The following NEK11 variants were observed in gnomAD, a reference collection of about 807,000 sequenced individuals.
The protein encoded by NEK11 is serine/threonine-protein kinase Nek11.
NEK11 carries 72 observed loss-of-function variants against 80.7 expected under a neutral mutation model. The ratio of observed to expected loss-of-function variants is 0.89; its 90% CI spans 0.74 to 1.08. NEK11 has a LOEUF of 1.08. Ranked by LOEUF, NEK11 falls within the 50% of genes least tolerant of loss-of-function variation. The pLI is 0.00. For synonymous variants in NEK11, 251 were observed against 260.7 expected (o/e 0.96, Z 0.36); for missense variants, 764 against 763.6 (o/e 1.00, Z -0.01).
intron 14 of NEK11, among the ~76,000 whole-genome samples, chr3:131,221,412 C>A (rs908245074): frequency 1.3e-5 from 2 of 152,144 alleles, no homozygotes; most frequent in Non-Finnish European, 2.9e-5. Context: ...GAGGTATAGG[C>A]AAATTTGGAA....
chr3:131,263,565 T>C (rs2095977532), intron 16 of NEK11, among the ~76,000 whole-genome samples: 2 of 152,264 alleles, frequency 1.3e-5, no homozygotes, highest in Non-Finnish European at 2.9e-5. Context: ...TTTTGTTTGA[T>C]TTTCTGTCCT....
intron 14 of NEK11, among the ~76,000 whole-genome samples, chr3:131,196,981 G>A (rs2094042260): frequency 1.3e-5 from 2 of 151,894 alleles, no homozygotes; most frequent in South Asian, 2.1e-4. Flanking sequence ...CCCAATCATT[G>A]TCCCTCCCAC....
At chr3:131,297,532 T>G (rs1038316234) in intron 17 of NEK11, among the ~76,000 whole-genome samples, 2 of 152,252 alleles carry the variant, frequency 1.3e-5, no homozygotes, top group Admixed American at 1.3e-4. Context: ...CTTGTAAATT[T>G]GTTTGAGTTC....
At chr3:131,091,781 T>G (rs943608721) in intron 4 of NEK11, among the ~76,000 whole-genome samples, 2 of 152,184 alleles carry the variant, frequency 1.3e-5, no homozygotes, top group Non-Finnish European at 2.9e-5. Flanking sequence ...TTACCAAAGT[T>G]TATTTGAGCA....
chr3:131,200,313 G>C (rs960601819), intron 14 of NEK11, among the ~76,000 whole-genome samples: 9 of 152,192 alleles, frequency 5.9e-5, no homozygotes, highest in African/African-American at 2.2e-4. Context: ...GGACAAAAAT[G>C]TAAAAGTTTG....
intron 17 of NEK11, among the ~76,000 whole-genome samples, chr3:131,293,056 T>A (rs2096559821): frequency 6.6e-6 from 1 of 152,160 alleles, no homozygotes; most frequent in South Asian, 2.1e-4. Flanking sequence ...TATTTCTTCT[T>A]TCCCAATCTT....
At chr3:131,264,059 T>C (rs1344143642) in intron 16 of NEK11, among the ~76,000 whole-genome samples, 4 of 152,326 alleles carry the variant, frequency 2.6e-5, no homozygotes, top group Non-Finnish European at 5.9e-5. Flanking sequence ...TTGATGGGGT[T>C]GTTTGATTTT....
In NEK11 at chr3:131,054,790, A is replaced by G. The variant is rs200525091; in HGVS notation, c.170+24912A>G. Among the ~76,000 whole-genome samples, 680 of 136,786 alleles carry G rather than the reference A, an allele frequency of 5.0e-3. 1 individual carries two copies. The highest frequency in any genetic ancestry group is 0.035 in the East Asian group (170 of 4,898). The allele number at this position is 136,786 out of a possible 152,430, so 89.7% of individuals were successfully genotyped here. A position where few individuals can be genotyped will look rare whatever the true frequency, so the allele number is the denominator to read the frequency against. On this transcript the variant is annotated intron_variant, in intron 3 of 17. Transcript: ENST00000383366. ...TAAATAAATAAATAAATAAATAAAT[A>G]AATGAATGAATGTACCCGGTAGATA...
rs2090418051 is a variant in NEK11 at position 131,155,048 on chromosome 3, A to G, written c.889A>G (p.Arg297Gly). The G allele has an allele frequency of 6.2e-7, 1 of 1,603,778 alleles. No individual in the cohort carries two copies. Among genetic ancestry groups the G allele is most frequent in the South Asian group, 1.1e-5 (1 of 90,852 alleles). Reference sequence around the variant, plus strand: ...ATCTTTTTTTCAGAACCTAATGTGTAGATATTCAGAAATGACTCTGGAAGA... The same window carrying G: ...ATCTTTTTTTCAGAACCTAATGTGTGGATATTCAGAAATGACTCTGGAAGA... ...LDEQLQNLMC[R>G]YSEMTLEDKN... The change falls in exon 10 of 18, where the codon AGA becomes GGA. Residue 297 changes from arginine to glycine, a missense_variant. Coordinates refer to ENST00000383366, the MANE Select transcript of NEK11 (RefSeq NM_024800.5).
intron 16 of NEK11, among the ~76,000 whole-genome samples, chr3:131,245,475 TG>T (rs2095586601): frequency 6.6e-6 from 1 of 152,172 alleles, no homozygotes; most frequent in South Asian, 2.1e-4. Context: ...TACCCAGTAG[TG>T]GGATTGCTAG....
intron 17 of NEK11, among the ~76,000 whole-genome samples, chr3:131,331,750 C>T (rs1029979060): frequency 6.6e-6 from 1 of 152,348 alleles, no homozygotes; most frequent in Admixed American, 6.5e-5. Context: ...AAAATCGGGT[C>T]ACTCCCACCC....
At chr3:131,186,389 T>A (rs2093602077) in intron 14 of NEK11, among the ~76,000 whole-genome samples, 1 of 152,132 alleles carries the variant, frequency 6.6e-6, no homozygotes, top group African/African-American at 2.4e-5. Flanking sequence ...CTTTGTCAGG[T>A]CTGTAGACAG....
chr3:131,242,579 G>A (rs149295737), intron 15 of NEK11, among the ~76,000 whole-genome samples: 23 of 152,198 alleles, frequency 1.5e-4, no homozygotes, highest in Admixed American at 3.9e-4. Flanking sequence ...TGCTACGCCC[G>A]GCTGATTTTT....
intron 5 of NEK11, among the ~76,000 whole-genome samples, chr3:131,116,304 C>T (rs1175572977): frequency 6.6e-6 from 1 of 152,106 alleles, no homozygotes; most frequent in Non-Finnish European, 1.5e-5. Flanking sequence ...AGAACATGAA[C>T]ACATCCTTCT....
At chr3:131,154,336 A>G (rs909630678) in intron 9 of NEK11, among the ~76,000 whole-genome samples, 3 of 152,184 alleles carry the variant, frequency 2.0e-5, no homozygotes, top group African/African-American at 7.2e-5. Context: ...AGATGAGGCA[A>G]GTGAGGCCCT....
chr3:131,083,448 C>A (rs1380882837), intron 4 of NEK11, among the ~76,000 whole-genome samples: 1 of 152,236 alleles, frequency 6.6e-6, no homozygotes, highest in Admixed American at 6.5e-5. Context: ...CCCTGGACTC[C>A]TGAGGAGTGA....
At chr3:131,167,136 T>C (rs1359526398) in intron 12 of NEK11, among the ~76,000 whole-genome samples, 2 of 152,214 alleles carry the variant, frequency 1.3e-5, no homozygotes, top group Non-Finnish European at 2.9e-5. Context: ...CATATGCTGC[T>C]GGTCTGATTC....
chr3:131,290,494 G>A (rs1487571490), intron 17 of NEK11, among the ~76,000 whole-genome samples: 2 of 152,336 alleles, frequency 1.3e-5, no homozygotes, highest in East Asian at 1.9e-4. Context: ...GAGAAGCAGG[G>A]AGAATGCAGC....
chr3:131,087,676 A>C (rs1315646084), intron 4 of NEK11, among the ~76,000 whole-genome samples: 1 of 152,202 alleles, frequency 6.6e-6, no homozygotes, highest in East Asian at 1.9e-4. Flanking sequence ...AAACAAACCA[A>C]GTAAGCGGGT....
Sources: gnomAD v4.1 joint callset for allele counts (sites outside exome capture counted in the v4.1 genomes callset) on GRCh38, gnomAD v4.1.1 for gene constraint, MANE v1.5 for transcripts, NCBI Gene and HGNC (gene_info 2026-07-23, HGNC 2026-07-21) for gene names.